DLEC1: variants seen among roughly 807,000 people sequenced by gnomAD.
DLEC1 encodes the protein DLEC1 cilia and flagella associated protein.
Under a neutral mutation model 198.1 loss-of-function variants are expected in DLEC1, and 146 were observed. The ratio of observed to expected loss-of-function variants is 0.74; its 90% CI spans 0.64 to 0.85. The LOEUF (loss-of-function observed/expected upper bound fraction) is 0.85. Ranked by LOEUF, DLEC1 falls within the 40% of genes least tolerant of loss-of-function variation. DLEC1 has a pLI of 0.00. For synonymous variants in DLEC1, 897 were observed against 866.8 expected, an observed-to-expected ratio of 1.03 and a Z score of -0.61; for missense variants, 2,233 against 2,220.0, an observed-to-expected ratio of 1.01 and a Z score of -0.12.
rs1278145937 is a variant in DLEC1, at chr3:38,121,752, G to A, written c.4991G>A (p.Gly1664Glu). 1 of 1,613,888 alleles carries A rather than the reference G, an allele frequency of 6.2e-7. No homozygotes were observed. The highest frequency in any genetic ancestry group is 8.5e-7 in the Non-Finnish European group (1 of 1,179,938). Residue 1664 changes from glycine to glutamate, a missense_variant, in exon 35 of 37, where the codon GGG (glycine) becomes GAG (glutamate). Physicochemically the swap from Gly to Glu is moderately conservative, Grantham distance 98. Transcript: ENST00000308059. Reference protein sequence around the residue: ...VREVYLMNLSGCRSYWTMLMG... With the variant: ...VREVYLMNLSECRSYWTMLMG... The stretch of plus-strand genomic sequence containing the variant: ...GAGGTCTACCTGATGAACCTGAGCG[G>A]GTGCCGAAGCTACTGGACTATGCTG...
At chr3:38,118,963 G>A (rs918485749) in intron 33 of DLEC1, among the ~76,000 whole-genome samples, 2 of 152,148 alleles carry the variant, frequency 1.3e-5, no homozygotes, top group African/African-American at 4.8e-5. Context: ...GGACACACAC[G>A]GATCTGCAGA....
Position 38,045,605 on chromosome 3 carries a change from G to C in DLEC1, c.474G>C (p.Gln158His), listed in dbSNP as rs1370338338. The C allele has an allele frequency of 6.2e-7, 1 of 1,614,162 alleles. No individual in the cohort carries two copies. The highest frequency in any genetic ancestry group is 1.1e-5 in the South Asian group (1 of 91,082). ...EFEMLERHIT[Q>H]AQARAIAENE... ...AAATGTTGGAGAGACATATCACTCA[G>C]GCCCAAGCACGGGCTATTGCGGAAA... The change falls in exon 2 of 37, where the codon CAG (glutamine) becomes CAC (histidine). Residue 158 changes from glutamine to histidine, a missense_variant. Gln to His is a conservative substitution (Grantham distance 24). Transcript: ENST00000308059.
chr3:38,075,928 G>A (rs1025035690), intron 6 of DLEC1, among the ~76,000 whole-genome samples: 1 of 152,180 alleles, frequency 6.6e-6, no homozygotes, highest in African/African-American at 2.4e-5. Context: ...CACTAAGGGT[G>A]AAAGACCAAG....
At chr3:38,078,575 C>T (rs62240702) in intron 6 of DLEC1, among the ~76,000 whole-genome samples, 2 of 151,816 alleles carry the variant, frequency 1.3e-5, no homozygotes, top group African/African-American at 2.4e-5. Flanking sequence ...AGAATTATGC[C>T]GAGATAGGTA....
Position 38,122,408 on chromosome 3 carries a change from C to A in DLEC1, c.5264C>A (p.Pro1755His). 6.2e-7 allele frequency: 1 copy of A among 1,614,148 alleles called. No homozygotes were observed. The highest frequency in any genetic ancestry group is 1.1e-5 in the South Asian group (1 of 91,082). Reference protein sequence around the residue: ...YDERYMLPHQP With the variant: ...YDERYMLPHQH ...GAGAGATACATGTTGCCTCACCAGC[C>A]CTGAGGCTCCGCCCCAGCCCTCAGC... The change falls in exon 37 of 37, where the codon CCC becomes CAC. Residue 1755 changes from proline to histidine, a missense_variant. Transcript: ENST00000308059.
Position 38,112,506 on chromosome 3 carries a change from G to A in DLEC1, c.3666+145G>A. 1 of 1,253,348 alleles carries A rather than the reference G, an allele frequency of 8.0e-7. No homozygotes were observed. The highest frequency in any genetic ancestry group is 1.1e-6 in the Non-Finnish European group (1 of 904,910). 77.6% of individuals were successfully genotyped at this position (1,253,348 alleles called of 1,614,324 possible). On this transcript the variant is annotated intron_variant, in intron 25 of 36. Coordinates refer to ENST00000308059, the MANE Select transcript of DLEC1 (RefSeq NM_007335.4). This position sits in a 1 kb window ranked among gnomAD's most constrained non-coding sequence, Gnocchi z 4.8. ...GCGATGCCCACCGAGCTTGGGATGG[G>A]CATTCGTGTCTGAGGCAGCCTCTGG...
chr3:38,108,063 C>G (rs114469775), intron 20 of DLEC1, among the ~76,000 whole-genome samples: 1 of 152,208 alleles, frequency 6.6e-6, no homozygotes, highest in Non-Finnish European at 1.5e-5. Flanking sequence ...TGCTCCTGCC[C>G]GTGGCTGACT....
rs375788177 is a variant in DLEC1, at chr3:38,096,745, A to G, written c.2340+8A>G. 1.2e-6 allele frequency: 2 copies of G among 1,600,826 alleles called. No homozygotes were observed. The highest frequency in any genetic ancestry group is 2.2e-5 in the South Asian group (2 of 89,124). ...GTGAAGAAGGCTTTTAAGGTAGGTC[A>G]TTGTCTCTCCCCTGCCTAGGCTGGC... On this transcript the variant is annotated splice_region_variant and intron_variant, in intron 15 of 36. Coordinates refer to ENST00000308059, the MANE Select transcript of DLEC1 (RefSeq NM_007335.4).
In DLEC1 at chr3:38,097,807, G is replaced by A. The variant is rs1699109177; in HGVS notation, c.2629G>A (p.Ala877Thr). Reference protein sequence around the residue: ...QFGLLRLGQKATNSIQIRNVS... With the variant: ...QFGLLRLGQKTTNSIQIRNVS... The stretch of plus-strand genomic sequence containing the variant: ...TGGTCTGCTCCGCCTGGGGCAGAAA[G>A]CCACAAACTCCATCCAGATCCGGAA... Residue 877 changes from alanine to threonine, a missense_variant, in exon 18 of 37, where the codon GCC becomes ACC. Ala to Thr is a moderately conservative substitution (Grantham distance 58). Transcript: ENST00000308059. 2 of 1,614,072 alleles carry A rather than the reference G, an allele frequency of 1.2e-6. No individual in the cohort carries two copies. The highest frequency in any genetic ancestry group is 1.7e-6 in the Non-Finnish European group (2 of 1,180,044).
chr3:38,111,583 C>A, intron 23 of DLEC1, 94 bp from the exon 24 acceptor site: 1 of 1,364,098 alleles, frequency 7.3e-7, no homozygotes. Context: ...CTCTGCTGGG[C>A]ACCTGGTAGA....
At chr3:38,056,332 CAG>C (rs1253816484) in intron 2 of DLEC1, among the ~76,000 whole-genome samples, 3 of 152,102 alleles carry the variant, frequency 2.0e-5, no homozygotes. Flanking sequence ...TTTTTTGAGA[CAG>C]AGTCTTGCTG....
At chr3:38,056,205 A>G (rs115790155) in intron 2 of DLEC1, among the ~76,000 whole-genome samples, 7,500 of 152,156 alleles carry the variant, frequency 0.049, 273 homozygotes, top group Non-Finnish European at 0.074. Context: ...GGAGGTTGCA[A>G]TAAGCTGAGA....
rs1699625868 is a variant in DLEC1, at chr3:38,107,471, T to C, written c.2865-113T>C. ...ACCCACTCATTAATTCTAGAGTTTC[T>C]AAAAATATAGATACCTTGGGATTTT... On this transcript the variant is annotated intron_variant, in intron 19 of 36. Transcript: ENST00000308059. 7.5e-6 allele frequency: 9 copies of C among 1,205,308 alleles called. No individual in the cohort carries two copies. The South Asian group carries it at 1.7e-4, about 23-fold the overall frequency. The allele number at this position is 1,205,308 out of a possible 1,614,324, so 74.7% of individuals were successfully genotyped here.
At chr3:38,072,753 C>T (rs916531294) in intron 6 of DLEC1, among the ~76,000 whole-genome samples, 3 of 152,020 alleles carry the variant, frequency 2.0e-5, no homozygotes, top group Admixed American at 6.6e-5. Context: ...AGAGATTAGT[C>T]GGGCACGATT....
intron 7 of DLEC1, among the ~76,000 whole-genome samples, chr3:38,084,529 T>C: frequency 2.0e-5 from 3 of 151,684 alleles, no homozygotes; most frequent in Non-Finnish European, 2.9e-5. Flanking sequence ...GTAGTAGTAG[T>C]AGTGGTGGTG....
At chr3:38,079,147 C>T (rs943209931) in intron 6 of DLEC1, among the ~76,000 whole-genome samples, 14 of 151,684 alleles carry the variant, frequency 9.2e-5, no homozygotes, top group Non-Finnish European at 2.1e-4. Context: ...AAGAGGAGGG[C>T]CCAAAGGAGG....
chr3:38,061,427 G>A (rs976432783), intron 3 of DLEC1, among the ~76,000 whole-genome samples: 4 of 151,710 alleles, frequency 2.6e-5, no homozygotes, highest in African/African-American at 7.3e-5. Context: ...GTGATCCGCC[G>A]GCCTCAGCCT....
At chr3:38,049,682 C>T (rs1011285255) in intron 2 of DLEC1, among the ~76,000 whole-genome samples, 2 of 152,206 alleles carry the variant, frequency 1.3e-5, no homozygotes, top group Admixed American at 6.5e-5. Flanking sequence ...ACAGCTCCTG[C>T]AGACACAGCA....
rs1425529018 is a variant in DLEC1, at chr3:38,097,281, T to C, written c.2434+6T>C. 1.2e-5 allele frequency: 19 copies of C among 1,573,042 alleles called. No individual in the cohort carries two copies. The African/African-American group carries it at 2.4e-4, about 20-fold the overall frequency. ...GCCCGGCACAGGGGTCATAGGTACC[T>C]TGGGGACTGCAGGAGGGGTTGTGAC... is the stretch of plus-strand genomic sequence containing the variant. On this transcript the variant is annotated splice_donor_region_variant and intron_variant, in intron 16 of 36. Coordinates refer to ENST00000308059, the MANE Select transcript of DLEC1 (RefSeq NM_007335.4).
Sources: gnomAD v4.1 joint callset for allele counts (sites outside exome capture counted in the v4.1 genomes callset) on GRCh38, gnomAD v4.1.1 for gene constraint, Gnocchi (gnomAD v3.1) non-coding constraint, MANE v1.5 for transcripts, NCBI Gene and HGNC (gene_info 2026-07-23, HGNC 2026-07-21) for gene names.